CALR3: variants seen among roughly 807,000 people sequenced by gnomAD.
CALR3 encodes calreticulin-3.
A neutral mutation model predicts 48.7 loss-of-function variants in CALR3; 39 were observed. The observed-to-expected ratio is 0.80, with a 90% confidence interval of 0.62 to 1.05. The LOEUF (loss-of-function observed/expected upper bound fraction) is 1.05, where lower values mean the gene tolerates loss of function less well. CALR3 is among the 50% of genes least tolerant of loss of function. The pLI, the probability that CALR3 is intolerant of heterozygous loss-of-function variation, is 0.00. For missense variants in CALR3, 449 were observed against 474.7 expected, an observed-to-expected ratio of 0.95 and a Z score of 0.50; for synonymous variants, 185 against 172.7, an observed-to-expected ratio of 1.07 and a Z score of -0.56.
intron 8 of CALR3, among the ~76,000 whole-genome samples, chr19:16,480,356 A>G (rs1484381059): frequency 6.6e-6 from 1 of 152,012 alleles, no homozygotes; most frequent in Non-Finnish European, 1.5e-5. Context: ...CTTCGAGACC[A>G]GCCTGAACAA....
chr19:16,487,529 G>A (rs2093391061), intron 3 of CALR3, among the ~76,000 whole-genome samples: 1 of 148,442 alleles, frequency 6.7e-6, no homozygotes, highest in African/African-American at 2.5e-5. Flanking sequence ...TTGCTATATT[G>A]CCCAAGCTGG....
At chr19:16,479,577 G>A (rs2093377313) in intron 8 of CALR3, among the ~76,000 whole-genome samples, 2 of 146,732 alleles carry the variant, frequency 1.4e-5, no homozygotes, top group African/African-American at 5.1e-5. Context: ...GACAGAGCAA[G>A]ACTCTGTCTC....
intron 8 of CALR3, among the ~76,000 whole-genome samples, chr19:16,480,180 G>A (rs184358603): frequency 1.3e-4 from 16 of 126,642 alleles, no homozygotes; most frequent in African/African-American, 4.0e-4. Context: ...TCAGCCTGGC[G>A]ACAGAGCGAG....
In CALR3 at chr19:16,479,194, C is replaced by G; in HGVS notation, c.1092G>C (p.Leu364=). 6.2e-7 allele frequency: 1 copy of G among 1,614,124 alleles called. No individual in the cohort carries two copies. Among genetic ancestry groups the G allele is most frequent in the Non-Finnish European group, 8.5e-7 (1 of 1,180,022 alleles). Residue 364 remains leucine (L), a synonymous_variant, in exon 9 of 9, where the codon CTG becomes CTC. Coordinates refer to ENST00000269881, the MANE Select transcript of CALR3 (RefSeq NM_145046.5). ...KAREEEEEEL[L]SGKINRHEHY... is the part of the protein sequence containing the mutation. ...GTTCGTGCCTGTTAATTTTTCCCGACAGCAGCTCTTCCTCCTCTTCCTCGC... is the reference window on the plus strand; with the variant it reads ...GTTCGTGCCTGTTAATTTTTCCCGAGAGCAGCTCTTCCTCCTCTTCCTCGC...
At chr19:16,479,340 C>T (rs2093376802) in intron 8 of CALR3, 66 bp from the exon 9 acceptor site, 1 of 1,589,494 alleles carries the variant, frequency 6.3e-7, no homozygotes, top group East Asian at 2.2e-5. Context: ...AATCCCAGCA[C>T]TTTGGGAGGC....
chr19:16,493,153 T>C (rs2093400616), intron 2 of CALR3, among the ~76,000 whole-genome samples: 2 of 152,244 alleles, frequency 1.3e-5, no homozygotes, highest in African/African-American at 4.8e-5. Flanking sequence ...TGTTCTTGTT[T>C]GGCAAATGAC....
In CALR3 at chr19:16,480,647, A is replaced by T. The variant is rs1198785474; in HGVS notation, c.978T>A (p.Asp326Glu). ...CGCCCCAGGTGGCCTTGCCAAAATTATCTGCGTACTCTTCATCATCTGTGA... is the reference window on the plus strand; with the variant it reads ...CGCCCCAGGTGGCCTTGCCAAAATTTTCTGCGTACTCTTCATCATCTGTGA... ...FLITDDEEYA[D>E]NFGKATWGET... Residue 326 changes from aspartate (D) to glutamate (E), a missense_variant, in exon 8 of 9, where the codon GAT becomes GAA. Asp to Glu is a conservative substitution (Grantham distance 45). Coordinates refer to ENST00000269881, the MANE Select transcript of CALR3 (RefSeq NM_145046.5). The T allele has an allele frequency of 6.2e-7, 1 of 1,613,778 alleles. No individual in the cohort carries two copies. Among genetic ancestry groups the T allele is most frequent in the East Asian group, 2.2e-5 (1 of 44,898 alleles).
chr19:16,494,412 A>G (rs2093402585), intron 2 of CALR3, among the ~76,000 whole-genome samples: 1 of 149,438 alleles, frequency 6.7e-6, no homozygotes. Context: ...CTGAGGCTGG[A>G]GTGCAGGGGC....
intron 3 of CALR3, among the ~76,000 whole-genome samples, chr19:16,487,837 G>A (rs1234270888): frequency 2.1e-5 from 3 of 145,540 alleles, no homozygotes; most frequent in Admixed American, 7.0e-5. Flanking sequence ...TTTTTGAGAC[G>A]GAGTCTCACT....
chr19:16,481,477 T>C (rs1480518277), intron 7 of CALR3, among the ~76,000 whole-genome samples: 1 of 147,688 alleles, frequency 6.8e-6, no homozygotes, highest in African/African-American at 2.5e-5. Context: ...CTCTGTTTTT[T>C]TTTTTTTTTT....
intron 2 of CALR3, among the ~76,000 whole-genome samples, chr19:16,492,560 GTC>G (rs2093399700): frequency 6.6e-6 from 1 of 151,354 alleles, no homozygotes; most frequent in Non-Finnish European, 1.5e-5. Context: ...GAGAAACCCT[GTC>G]TCTACTAAAA....
chr19:16,495,367 A>T (rs2093405516), intron 2 of CALR3, among the ~76,000 whole-genome samples: 1 of 151,900 alleles, frequency 6.6e-6, no homozygotes, highest in African/African-American at 2.4e-5. Flanking sequence ...GTTCGAGACC[A>T]GCCTGGCCAA....
At chr19:16,486,340 G>T (rs1385015389) in intron 3 of CALR3, among the ~76,000 whole-genome samples, 1 of 137,064 alleles carries the variant, frequency 7.3e-6, no homozygotes, top group Non-Finnish European at 1.7e-5. Flanking sequence ...AAAAAGTGTG[G>T]GCTGGGCATG....
At chr19:16,481,843 G>A (rs897591829) in intron 7 of CALR3, among the ~76,000 whole-genome samples, 1 of 149,682 alleles carries the variant, frequency 6.7e-6, no homozygotes, top group Non-Finnish European at 1.5e-5. Flanking sequence ...AAAACTCTCA[G>A]CACTTTGGAA....
At chr19:16,486,895 G>C (rs2093389991) in intron 3 of CALR3, among the ~76,000 whole-genome samples, 1 of 151,990 alleles carries the variant, frequency 6.6e-6, no homozygotes, top group African/African-American at 2.4e-5. Context: ...TGGAACTGTT[G>C]AATTAAAAAC....
intron 7 of CALR3, among the ~76,000 whole-genome samples, chr19:16,481,471 G>GTTTT (rs71178696): frequency 7.5e-5 from 6 of 79,684 alleles, no homozygotes; most frequent in Admixed American, 3.1e-4. Context: ...GTCTCGCTCT[G>GTTTT]TTTTTTTTTT....
Position 16,482,686 on chromosome 19 carries a change from G to GCC in CALR3, c.777_778insGG (p.Pro260GlyfsTer7), listed in dbSNP as rs1307104956. ...ACAAAGAGGCCACACACCTGGTACG[G>GCC]GGGCTTCTGGAGCATCGGCGCTGGC... On this transcript the variant is annotated frameshift_variant, in exon 6 of 9. Coordinates refer to ENST00000269881, the MANE Select transcript of CALR3 (RefSeq NM_145046.5). LOFTEE classifies it high-confidence loss of function. 22 of 1,614,034 alleles carry GCC rather than the reference G, an allele frequency of 1.4e-5. No homozygotes were observed. In the African/African-American group the frequency reaches 2.7e-4, roughly 20 times the overall value.
chr19:16,481,646 G>A (rs146083119), intron 7 of CALR3, among the ~76,000 whole-genome samples: 3,458 of 151,228 alleles, frequency 0.023, 59 homozygotes, highest in Middle Eastern at 0.066. Flanking sequence ...CTACAAGCAC[G>A]CACCACCACA....
chr19:16,484,063 T>C lies in CALR3; in HGVS notation c.545A>G (p.Tyr182Cys), dbSNP rs1035181108. Residue 182 changes from tyrosine to cysteine, a missense_variant, in exon 5 of 9, where the codon TAT (tyrosine) becomes TGT (cysteine). Transcript: ENST00000269881. ...YTLILRPDLS[Y>C]DVKIDGQSIE... ...TGACTGACCATCAATTTTCACATCA[T>C]AAGAAAGATCTGGTCTTAAAATTAG... 18 of 1,613,948 alleles carry C rather than the reference T, an allele frequency of 1.1e-5. No individual in the cohort carries two copies. Among genetic ancestry groups the C allele is most frequent in the Non-Finnish European group, 1.5e-5 (18 of 1,180,006 alleles).
Sources: gnomAD v4.1 joint callset for allele counts (sites outside exome capture counted in the v4.1 genomes callset) on GRCh38, gnomAD v4.1.1 for gene constraint, MANE v1.5 for transcripts, NCBI Gene and HGNC (gene_info 2026-07-23, HGNC 2026-07-21) for gene names.